The following PLCG1 variants were observed in gnomAD, a reference collection of about 807,000 sequenced individuals.
PLCG1 encodes 1-phosphatidylinositol 4,5-bisphosphate phosphodiesterase gamma-1.
PLCG1 carries 71 observed loss-of-function variants against 177.8 expected under a neutral mutation model. The ratio of observed to expected loss-of-function variants is 0.40; its 90% CI spans 0.33 to 0.49. PLCG1 has a LOEUF of 0.49. Ranked by LOEUF, PLCG1 falls within the 20% of genes least tolerant of loss-of-function variation. The pLI is 0.72. For synonymous variants in PLCG1, 658 were observed against 647.9 expected (o/e 1.02, Z -0.24); for missense variants, 1,281 against 1,709.0 (o/e 0.75, Z 4.42).
rs569436925 is a variant in PLCG1, at chr20:41,173,204, A to G, written c.3280-216A>G. Among the ~76,000 whole-genome samples the G allele has an allele frequency of 2.2e-4, 34 of 152,156 alleles. No individual in the cohort carries two copies. The highest frequency in any genetic ancestry group is 3.7e-4 in the Non-Finnish European group (25 of 68,022). ...AGTAGATTGCAAAACTCACATGGAAATTTTGGCTAAAGCTCAGACTTCAGA... is the reference window on the plus strand; with the variant it reads ...AGTAGATTGCAAAACTCACATGGAAGTTTTGGCTAAAGCTCAGACTTCAGA... On this transcript the variant is annotated intron_variant, in intron 27 of 31. Coordinates refer to ENST00000685551, the MANE Select transcript of PLCG1 (RefSeq NM_002660.3). The surrounding 1 kb of genome is among the most constrained non-coding windows in gnomAD (Gnocchi z 6.2).
intron 1 of PLCG1, among the ~76,000 whole-genome samples, chr20:41,152,369 T>C (rs923584240): frequency 1.3e-5 from 2 of 152,254 alleles, no homozygotes; most frequent in Non-Finnish European, 2.9e-5. Flanking sequence ...GGAATCTTTA[T>C]GTAAGGACTT....
rs1291291008 is a variant in PLCG1, at chr20:41,151,234, A to G, written c.218-8372A>G. Among the ~76,000 whole-genome samples, 1 of 152,062 alleles carries G rather than the reference A, an allele frequency of 6.6e-6. No homozygotes were observed. Among genetic ancestry groups the G allele is most frequent in the African/African-American group, 2.4e-5 (1 of 41,418 alleles). ...CTGTGGCTGCTCTGTGTTTCTCTGT[A>G]TACCCAGTGTCAGGGATAGCAGCTG... On this transcript the variant is annotated intron_variant, in intron 1 of 31. Transcript: ENST00000685551. The surrounding 1 kb of genome is among the most constrained non-coding windows in gnomAD (Gnocchi z 5.5).
rs1384137962 is a variant in PLCG1 at position 41,150,542 on chromosome 20, A to C, written c.218-9064A>C. On this transcript the variant is annotated intron_variant, in intron 1 of 31. Transcript: ENST00000685551. The surrounding 1 kb of genome is among the most constrained non-coding windows in gnomAD (Gnocchi z 4.0). ...GCAAGGGAGGCAGAGTTTGGAGCAC[A>C]CTAGACTCCTGACACAGAGGCTGAC... Among the ~76,000 whole-genome samples the C allele has an allele frequency of 2.0e-5, 3 of 152,162 alleles. No homozygotes were observed. The highest frequency in any genetic ancestry group is 7.2e-5 in the African/African-American group (3 of 41,440).
In PLCG1 at chr20:41,153,121, C is replaced by G. The variant is rs1352759985; in HGVS notation, c.218-6485C>G. Among the ~76,000 whole-genome samples the G allele has an allele frequency of 2.0e-5, 3 of 152,186 alleles. No homozygotes were observed. The highest frequency in any genetic ancestry group is 4.4e-5 in the Non-Finnish European group (3 of 68,026). ...ACCTGTCCAGGAAATCTTCGCTTAC[C>G]TCTTTCAAGCTCTTTAGATTTTAAA... On this transcript the variant is annotated intron_variant, in intron 1 of 31. Coordinates refer to ENST00000685551, the MANE Select transcript of PLCG1 (RefSeq NM_002660.3). This position sits in a 1 kb window ranked among gnomAD's most constrained non-coding sequence, Gnocchi z 5.1.
chr20:41,167,360 G>A lies in PLCG1; in HGVS notation c.2302-492G>A, dbSNP rs1246037910. ...AGAAGGAAGGGGTCTAGGACCAGAA[G>A]ATCAGTTGAGAGACTGCTGTCGTCA... On this transcript the variant is annotated intron_variant, in intron 19 of 31. Coordinates refer to ENST00000685551, the MANE Select transcript of PLCG1 (RefSeq NM_002660.3). The surrounding 1 kb of genome is among the most constrained non-coding windows in gnomAD (Gnocchi z 4.4). Among the ~76,000 whole-genome samples, 2 of 152,210 alleles carry A rather than the reference G, an allele frequency of 1.3e-5. No homozygotes were observed. Among genetic ancestry groups the A allele is most frequent in the East Asian group, 1.9e-4 (1 of 5,200 alleles).
Position 41,173,303 on chromosome 20 carries a change from C to A in PLCG1, c.3280-117C>A. 1 of 1,069,328 alleles carries A rather than the reference C, an allele frequency of 9.4e-7. No individual in the cohort carries two copies. Among genetic ancestry groups the A allele is most frequent in the Non-Finnish European group, 1.3e-6 (1 of 752,510 alleles). 66.2% of individuals were successfully genotyped at this position (1,069,328 alleles called of 1,614,324 possible). On this transcript the variant is annotated intron_variant, in intron 27 of 31. Transcript: ENST00000685551. The surrounding 1 kb of genome is among the most constrained non-coding windows in gnomAD (Gnocchi z 6.2). ...GTGAGGGACTCCATGGGCAGTGTCC[C>A]GGGGGCCCAGCAGAGGGCGCGCTGC...
rs146143589 is a variant in PLCG1 at position 41,170,147 on chromosome 20, G to A, written c.2686G>A (p.Val896Ile). ...RPEGKNNRLF[V>I]FSISMASVAH... is the part of the protein sequence containing the mutation. ...TGAGGGCAAGAACAACCGGCTCTTCGTCTTCTCCATCAGCATGGCGTCGGT... is the reference window on the plus strand; with the variant it reads ...TGAGGGCAAGAACAACCGGCTCTTCATCTTCTCCATCAGCATGGCGTCGGT... The change falls in exon 24 of 32, where the codon GTC (valine) becomes ATC (isoleucine). Residue 896 changes from valine (V) to isoleucine (I), a missense_variant. By Grantham distance (29) the Val-to-Ile change is conservative. This residue lies in a region of PLCG1 where 723 missense variants were observed against 1,030.0 expected (regional missense o/e 0.70). Coordinates refer to ENST00000685551, the MANE Select transcript of PLCG1 (RefSeq NM_002660.3). 6.1e-5 allele frequency: 99 copies of A among 1,613,762 alleles called. 1 individual carries two copies. Among genetic ancestry groups the A allele is most frequent in the Non-Finnish European group, 7.8e-5 (92 of 1,179,858 alleles).
intron 24 of PLCG1, among the ~76,000 whole-genome samples, chr20:41,171,925 G>A (rs942115342): frequency 2.0e-5 from 3 of 152,234 alleles, no homozygotes; most frequent in African/African-American, 7.2e-5. Flanking sequence ...CATGGGTGGT[G>A]ATGAGGAGTC....
At chr20:41,162,572 A>G in intron 5 of PLCG1, 36 bp downstream of exon 5, 1 of 1,609,370 alleles carries the variant, frequency 6.2e-7, no homozygotes. Flanking sequence ...AGATGGGGGC[A>G]GGGGAAGCCA....
chr20:41,158,325 C>G (rs1568738735), intron 1 of PLCG1, among the ~76,000 whole-genome samples: 1 of 152,268 alleles, frequency 6.6e-6, no homozygotes, highest in Admixed American at 6.5e-5. Flanking sequence ...CCGAAGTTAC[C>G]AGGCCAGTCT....
At chr20:41,162,565 T>C (rs1319904045) in intron 5 of PLCG1, 29 bp downstream of exon 5, 2 of 1,610,742 alleles carry the variant, frequency 1.2e-6, no homozygotes, top group Non-Finnish European at 1.7e-6. Context: ...TGTCTGTAGA[T>C]GGGGGCAGGG....
Position 41,162,668 on chromosome 20 carries a change from C to T in PLCG1, c.624C>T (p.Ile208=). The change falls in exon 6 of 32, where the codon ATC becomes ATT. Residue 208 remains isoleucine (I), a synonymous_variant. Coordinates refer to ENST00000685551, the MANE Select transcript of PLCG1 (RefSeq NM_002660.3). ...ACCTGGAGCAGCGCAGCGGGGACAT[C>T]ACCTACGGGCAGTTTGCTCAGCTGT... The part of the protein sequence containing the change: ...LTDLEQRSGD[I]TYGQFAQLYR... 1 of 1,614,024 alleles carries T rather than the reference C, an allele frequency of 6.2e-7. No individual in the cohort carries two copies. Among genetic ancestry groups the T allele is most frequent in the South Asian group, 1.1e-5 (1 of 91,060 alleles).
In PLCG1 at chr20:41,174,619, C is replaced by CTTCA; in HGVS notation, c.*111_*112insTCAT. 3.3e-6 allele frequency: 3 copies of CTTCA among 908,192 alleles called. No homozygotes were observed. The South Asian group carries it at 4.3e-5, about 13-fold the overall frequency. The allele number at this position is 908,192 out of a possible 1,614,324, so 56.3% of individuals were successfully genotyped here. On this transcript the variant is annotated 3_prime_UTR_variant, in exon 32 of 32. Transcript: ENST00000685551. This position sits in a 1 kb window ranked among gnomAD's most constrained non-coding sequence, Gnocchi z 5.8. The stretch of plus-strand genomic sequence containing the variant: ...GTGGCGGCCTTCCGGGTCTCGCAGC[C>CTTCA]TGAAGCCTGGATTCCAGCAGTGAAT...
Position 41,173,556 on chromosome 20 carries a change from T to C in PLCG1, c.3394+22T>C, listed in dbSNP as rs776709263. 6.2e-7 allele frequency: 1 copy of C among 1,613,734 alleles called. No individual in the cohort carries two copies. Among genetic ancestry groups the C allele is most frequent in the South Asian group, 1.1e-5 (1 of 91,056 alleles). On this transcript the variant is annotated intron_variant, in intron 28 of 31. Transcript: ENST00000685551. This position sits in a 1 kb window ranked among gnomAD's most constrained non-coding sequence, Gnocchi z 6.2. Reference sequence around the variant, plus strand: ...GTGGGTCAGTCTGTCTTCCCAGTCATCCTCCTCATCCTGCTGGGGCACTGC... The same window carrying C: ...GTGGGTCAGTCTGTCTTCCCAGTCACCCTCCTCATCCTGCTGGGGCACTGC...
At position 41,156,798 on chromosome 20, in the gene PLCG1, CTG is replaced by C. The variant is rs1400249470; in HGVS notation, c.218-2805_218-2804del. On this transcript the variant is annotated intron_variant, in intron 1 of 31. Coordinates refer to ENST00000685551, the MANE Select transcript of PLCG1 (RefSeq NM_002660.3). The surrounding 1 kb of genome is among the most constrained non-coding windows in gnomAD (Gnocchi z 5.0). ...TAATGGCAGAGAGGTCTGACCCAGA[CTG>C]TGCCAGACTGGATCATTCGCTCTGT... Among the ~76,000 whole-genome samples the C allele has an allele frequency of 2.0e-5, 3 of 152,234 alleles. No homozygotes were observed. Among genetic ancestry groups the C allele is most frequent in the Non-Finnish European group, 4.4e-5 (3 of 68,034 alleles).
In PLCG1 at chr20:41,163,175, C is replaced by G. The variant is rs35184484; in HGVS notation, c.717-28C>G. On this transcript the variant is annotated intron_variant, in intron 7 of 31. Transcript: ENST00000685551. The surrounding 1 kb of genome is among the most constrained non-coding windows in gnomAD (Gnocchi z 5.2). ...GGCACCTTGTTGTCTGTTGACCATA[C>G]TAGCTAGCTTACCTTCTCTCCCTGC... is the stretch of plus-strand genomic sequence containing the variant. 1.9e-5 allele frequency: 29 copies of G among 1,547,874 alleles called. No homozygotes were observed. Among genetic ancestry groups the G allele is most frequent in the Non-Finnish European group, 7.0e-6 (8 of 1,147,778 alleles).
At position 41,147,279 on chromosome 20, in the gene PLCG1, A is replaced by G. The variant is rs1255950043; in HGVS notation, c.217+9421A>G. ...GGTAACATATGTCACTTTGTTAAGG[A>G]TTTTGCTGAGGGCCTTTTGAGGCCA... On this transcript the variant is annotated intron_variant, in intron 1 of 31. Coordinates refer to ENST00000685551, the MANE Select transcript of PLCG1 (RefSeq NM_002660.3). This position sits in a 1 kb window ranked among gnomAD's most constrained non-coding sequence, Gnocchi z 4.0. 6.6e-6 allele frequency among the ~76,000 whole-genome samples: 1 copy of G among 152,140 alleles called. No homozygotes were observed. Among genetic ancestry groups the G allele is most frequent in the Non-Finnish European group, 1.5e-5 (1 of 68,026 alleles).
chr20:41,177,177 T>A lies in PLCG1; in HGVS notation c.*2668T>A, dbSNP rs1305774941. The A allele has an allele frequency of 6.6e-6, 1 of 152,214 alleles. No homozygotes were observed. The highest frequency in any genetic ancestry group is 1.5e-5 in the Non-Finnish European group (1 of 68,038). 9.4% of individuals were successfully genotyped at this position (152,214 alleles called of 1,614,324 possible). On this transcript the variant is annotated 3_prime_UTR_variant, in exon 32 of 32. Transcript: ENST00000685551. ...CTCCTTGTTCTCCTGCCATCACCAG[T>A]AGAACCTTCTGGCTGACAGACCAGG...
chr20:41,156,521 T>C lies in PLCG1; in HGVS notation c.218-3085T>C, dbSNP rs962243145. Among the ~76,000 whole-genome samples the C allele has an allele frequency of 3.9e-5, 6 of 152,180 alleles. No individual in the cohort carries two copies. The highest frequency in any genetic ancestry group is 4.8e-5 in the African/African-American group (2 of 41,440). On this transcript the variant is annotated intron_variant, in intron 1 of 31. Coordinates refer to ENST00000685551, the MANE Select transcript of PLCG1 (RefSeq NM_002660.3). The surrounding 1 kb of genome is among the most constrained non-coding windows in gnomAD (Gnocchi z 5.0). Reference sequence around the variant, plus strand: ...GGCTTCTGGGCTGCTACTTGTGGGATCCTGCCCTTGTTCTCAAAGAGTTCC... The same window carrying C: ...GGCTTCTGGGCTGCTACTTGTGGGACCCTGCCCTTGTTCTCAAAGAGTTCC...
Sources: allele counts gnomAD v4.1 joint callset (sites outside exome capture counted in the v4.1 genomes callset), GRCh38; gene constraint gnomAD v4.1.1; regional missense constraint gnomAD v4.1.1; non-coding constraint Gnocchi (gnomAD v3.1); transcripts MANE v1.5; gene names NCBI Gene and HGNC (gene_info 2026-07-23, HGNC 2026-07-21).